PKIB: variants seen among roughly 807,000 people sequenced by gnomAD.
PKIB encodes the protein cAMP-dependent protein kinase inhibitor beta.
A neutral mutation model predicts 4.5 loss-of-function variants in PKIB; 2 were observed. That is an observed-to-expected ratio of 0.44 (90% CI 0.18 to 1.39). The LOEUF (loss-of-function observed/expected upper bound fraction) is 1.39. PKIB is among the 40% of genes most tolerant of loss of function. The pLI is 0.27. For missense variants in PKIB, 94 were observed against 92.6 expected (o/e 1.02, Z -0.06); for synonymous variants, 38 against 36.0 (o/e 1.06, Z -0.20).
chr6:122,570,004 T>G (rs1382826824), intron 2 of PKIB, among the ~76,000 whole-genome samples: 1 of 152,132 alleles, frequency 6.6e-6, no homozygotes, highest in East Asian at 1.9e-4. Flanking sequence ...CAGCTGGGGC[T>G]TCTCCCACAG....
At chr6:122,474,791 C>G (rs1775411260) in intron 1 of PKIB, among the ~76,000 whole-genome samples, 2 of 152,284 alleles carry the variant, frequency 1.3e-5, no homozygotes, top group Non-Finnish European at 1.5e-5. Context: ...AGTCCAGGTT[C>G]ATTCTTACAT....
chr6:122,701,564 A>G, intron 3 of PKIB: 1 of 1,545,448 alleles, frequency 6.5e-7, no homozygotes, highest in Non-Finnish European at 8.8e-7. Flanking sequence ...GAGATGGCAT[A>G]ACAGTGCCAC....
intron 2 of PKIB, among the ~76,000 whole-genome samples, chr6:122,671,083 G>A (rs1009067885): frequency 6.6e-5 from 10 of 152,104 alleles, no homozygotes; most frequent in African/African-American, 2.4e-4. Flanking sequence ...CACGAGGTCA[G>A]GAGATAGAGA....
At chr6:122,665,813 C>A (rs1777200299) in intron 2 of PKIB, among the ~76,000 whole-genome samples, 1 of 152,062 alleles carries the variant, frequency 6.6e-6, no homozygotes, top group South Asian at 2.1e-4. Flanking sequence ...TATCCTCCAC[C>A]CCCTAACCTG....
upstream of PKIB, among the ~76,000 whole-genome samples, chr6:122,608,846 T>A (rs1333202724): frequency 6.6e-6 from 1 of 152,130 alleles, no homozygotes; most frequent in Non-Finnish European, 1.5e-5. Flanking sequence ...ACTTGCAGGA[T>A]CATAAAAATC....
chr6:122,551,874 C>CTTTTTT lies in PKIB; in HGVS notation c.-247-34027_-247-34022dup, dbSNP rs61025863. Among the ~76,000 whole-genome samples, 137 of 87,518 alleles carry CTTTTTT rather than the reference C, an allele frequency of 1.6e-3. 2 individuals are homozygous for CTTTTTT. The highest frequency in any genetic ancestry group is 5.7e-3 in the African/African-American group (133 of 23,522). The allele number at this position is 87,518 out of a possible 152,430, so 57.4% of individuals were successfully genotyped here. ...GGAAGGAATCTTTGACTTAGTACAT[C>CTTTTTT]TTTTTTTTTTTTTTTTTTTTTTTTT... On this transcript the variant is annotated intron_variant, in intron 2 of 6. Coordinates refer to the PKIB transcript ENST00000392491.
intron 2 of PKIB, among the ~76,000 whole-genome samples, chr6:122,527,489 C>T (rs1369199755): frequency 6.6e-6 from 1 of 152,012 alleles, no homozygotes; most frequent in Non-Finnish European, 1.5e-5. Context: ...GGCAGGATTT[C>T]TATTGACCTA....
intron 3 of PKIB, among the ~76,000 whole-genome samples, chr6:122,593,399 C>A (rs1774074491): frequency 6.6e-6 from 1 of 152,082 alleles, no homozygotes; most frequent in African/African-American, 2.4e-5. Flanking sequence ...TGGAGACATT[C>A]ATTAATAAGG....
intron 2 of PKIB, among the ~76,000 whole-genome samples, chr6:122,524,498 A>G (rs1237529798): frequency 6.6e-6 from 1 of 152,094 alleles, no homozygotes; most frequent in Non-Finnish European, 1.5e-5. Flanking sequence ...TGCCTCATAG[A>G]AGAATCTTGG....
intron 2 of PKIB, among the ~76,000 whole-genome samples, chr6:122,634,630 C>T (rs1214557189): frequency 3.3e-5 from 5 of 152,150 alleles, no homozygotes; most frequent in Non-Finnish European, 7.3e-5. Context: ...AGGCTCATTG[C>T]CTGGTCTTCT....
At chr6:122,501,830 T>C (rs967831525) in intron 2 of PKIB, among the ~76,000 whole-genome samples, 13 of 152,178 alleles carry the variant, frequency 8.5e-5, no homozygotes, top group African/African-American at 3.1e-4. Context: ...TACTGCATAG[T>C]CATGCTGCAA....
chr6:122,645,170 TATC>T (rs1037623809), intron 2 of PKIB, among the ~76,000 whole-genome samples: 19 of 152,262 alleles, frequency 1.2e-4, no homozygotes, highest in African/African-American at 4.6e-4. Context: ...CTTTTAGGGT[TATC>T]ATACACACAT....
chr6:122,502,561 G>T (rs754272146), intron 2 of PKIB, among the ~76,000 whole-genome samples: 52 of 151,900 alleles, frequency 3.4e-4, no homozygotes, highest in Non-Finnish European at 6.8e-4. Flanking sequence ...TAAATAATCA[G>T]ATCTTGTGAG....
chr6:122,679,361 G>A (rs1324021311), intron 3 of PKIB, among the ~76,000 whole-genome samples: 1 of 152,142 alleles, frequency 6.6e-6, no homozygotes, highest in Non-Finnish European at 1.5e-5. Flanking sequence ...TGTGAAGTGT[G>A]TTAAAGGTCA....
chr6:122,472,441 A>T (rs1775330588), intron 1 of PKIB, among the ~76,000 whole-genome samples: 1 of 102,934 alleles, frequency 9.7e-6, no homozygotes, highest in African/African-American at 3.6e-5. Context: ...ATAAGACATT[A>T]TCAAACTCAA....
intron 1 of PKIB, among the ~76,000 whole-genome samples, chr6:122,472,540 A>C (rs1054888935): frequency 6.6e-6 from 1 of 152,230 alleles, no homozygotes; most frequent in Non-Finnish European, 1.5e-5. Context: ...ATGCATTCCT[A>C]TAAAAGTTCC....
intron 2 of PKIB, among the ~76,000 whole-genome samples, chr6:122,558,549 T>C (rs1402797699): frequency 6.6e-6 from 1 of 152,214 alleles, no homozygotes; most frequent in African/African-American, 2.4e-5. Context: ...AGATGTTTGA[T>C]AAGTAAAATC....
intron 2 of PKIB, among the ~76,000 whole-genome samples, chr6:122,633,808 G>T (rs1323853232): frequency 6.6e-6 from 1 of 152,144 alleles, no homozygotes; most frequent in African/African-American, 2.4e-5. Flanking sequence ...CATAGTAATA[G>T]AATTATAATC....
At chr6:122,547,428 T>A (rs1270584868) in intron 2 of PKIB, among the ~76,000 whole-genome samples, 1 of 152,064 alleles carries the variant, frequency 6.6e-6, no homozygotes, top group Non-Finnish European at 1.5e-5. Flanking sequence ...CTCCGCCTCC[T>A]GGATTCAAGC....
Sources: gnomAD v4.1 joint callset for allele counts (sites outside exome capture counted in the v4.1 genomes callset) on GRCh38, gnomAD v4.1.1 for gene constraint, MANE v1.5 for transcripts, NCBI Gene and HGNC (gene_info 2026-07-23, HGNC 2026-07-21) for gene names.